The following SLC9A3 variants were observed in gnomAD, a reference collection of about 807,000 sequenced individuals.
SLC9A3 encodes sodium/hydrogen exchanger 3.
SLC9A3 carries 37 observed loss-of-function variants against 86.8 expected under a neutral mutation model. The ratio of observed to expected loss-of-function variants is 0.43; its 90% CI spans 0.33 to 0.56. The LOEUF is 0.56. Among genes scored for constraint, SLC9A3 ranks in the 20% least tolerant of loss-of-function variants. The pLI is 0.06. For synonymous variants in SLC9A3, 581 were observed against 528.3 expected (o/e 1.10, Z -1.37); for missense variants, 1,011 against 1,171.9 (o/e 0.86, Z 2.00).
In SLC9A3 at chr5:497,484, C is replaced by T. The variant is rs1039574850; in HGVS notation, c.212-5413G>A. On this transcript the variant is annotated intron_variant, in intron 1 of 16. Coordinates refer to ENST00000264938, the MANE Select transcript of SLC9A3 (RefSeq NM_004174.4). The surrounding 1 kb of genome is among the most constrained non-coding windows in gnomAD (Gnocchi z 5.4). The stretch of plus-strand genomic sequence containing the variant: ...GGACTGCTGTGAAGGACACAGTCAG[C>T]CGGACTTTGCTTAGTTCACCTGTCG... Among the ~76,000 whole-genome samples the T allele has an allele frequency of 2.6e-5, 4 of 152,176 alleles. No homozygotes were observed. The highest frequency in any genetic ancestry group is 2.0e-4 in the Admixed American group (3 of 15,284).
intron 1 of SLC9A3, among the ~76,000 whole-genome samples, chr5:522,481 C>T (rs568256683): frequency 1.1e-4 from 17 of 152,290 alleles, no homozygotes; most frequent in South Asian, 8.3e-4. Flanking sequence ...TATTCACGGC[C>T]GGGCGCGGTG....
intron 1 of SLC9A3, among the ~76,000 whole-genome samples, chr5:523,382 C>T (rs1733941892): frequency 6.6e-6 from 1 of 152,066 alleles, no homozygotes; most frequent in Non-Finnish European, 1.5e-5. Flanking sequence ...CTTCTCCTGG[C>T]CCCACTCGGG....
intron 1 of SLC9A3, among the ~76,000 whole-genome samples, chr5:517,812 A>ACCAT (rs72445363): frequency 0.16 from 23,821 of 144,656 alleles, 2,504 homozygotes; most frequent in Non-Finnish European, 0.23. Context: ...ATCCATCCAA[A>ACCAT]CCATCCATCC....
Position 474,969 on chromosome 5 carries a change from G to A in SLC9A3, c.2415C>T (p.Arg805=), listed in dbSNP as rs149421008. 6.2e-7 allele frequency: 1 copy of A among 1,610,926 alleles called. No homozygotes were observed. The highest frequency in any genetic ancestry group is 8.5e-7 in the Non-Finnish European group (1 of 1,179,170). ...AGGAGTCCACGGACTTGCTGCTGAG[G>A]CGGAAGGGCATCAGGCGGCAGAAGG... ...PGTFCRLMPF[R]LSSKSVDSFL... is the part of the protein sequence containing the mutation. The change falls in exon 16 of 17, where the codon CGC becomes CGT. Residue 805 remains arginine, a synonymous_variant. Coordinates refer to ENST00000264938, the MANE Select transcript of SLC9A3 (RefSeq NM_004174.4).
intron 1 of SLC9A3, among the ~76,000 whole-genome samples, chr5:506,529 C>T (rs912172230): frequency 6.6e-6 from 1 of 152,220 alleles, no homozygotes; most frequent in Non-Finnish European, 1.5e-5. Context: ...AGAGCTGGGA[C>T]AGCAGCAAAC....
rs1740017851 is a variant in SLC9A3, at chr5:496,325, GGGA to G, written c.212-4257_212-4255del. Among the ~76,000 whole-genome samples the G allele has an allele frequency of 6.9e-6, 1 of 145,960 alleles. No homozygotes were observed. The highest frequency in any genetic ancestry group is 1.5e-5 in the Non-Finnish European group (1 of 65,250). On this transcript the variant is annotated intron_variant, in intron 1 of 16. Transcript: ENST00000264938. This position sits in a 1 kb window ranked among gnomAD's most constrained non-coding sequence, Gnocchi z 4.7. ...GACATGCCGTCCCACCTGCCCACGGGGGAGGAGCCGCACCCATCCCCACCGGCC... is the reference window on the plus strand; with the variant it reads ...GACATGCCGTCCCACCTGCCCACGGGGGAGCCGCACCCATCCCCACCGGCC...
At chr5:495,955 G>A (rs1579800431) in intron 1 of SLC9A3, among the ~76,000 whole-genome samples, 2 of 151,710 alleles carry the variant, frequency 1.3e-5, no homozygotes, top group South Asian at 2.1e-4. Flanking sequence ...CGCCATCGCC[G>A]ACCCTCCCCA....
At chr5:515,033 C>G (rs1279617342) in intron 1 of SLC9A3, among the ~76,000 whole-genome samples, 1 of 152,166 alleles carries the variant, frequency 6.6e-6, no homozygotes, top group Admixed American at 6.5e-5. Context: ...AGGCCGCCCT[C>G]CAGGGACCAG....
chr5:473,508 G>C, intron 16 of SLC9A3, 126 bp from the exon 17 acceptor site: 1 of 800,680 alleles, frequency 1.2e-6, no homozygotes, highest in Non-Finnish European at 1.7e-6. Context: ...CGCACCCCAG[G>C]CTCGGCGTCC....
Position 483,333 on chromosome 5 carries a change from G to T in SLC9A3, c.1082C>A (p.Pro361Gln), listed in dbSNP as rs866342855. ...FMFLGISAVN[P>Q]FIWTWNTAFV... ...GGCCGTGTTCCAGGTCCAGATGAAC[G>T]GGTTCACGGCCGAGATACCCAGGAA... The change falls in exon 6 of 17, where the codon CCG becomes CAG. Residue 361 changes from proline to glutamine, a missense_variant. By Grantham distance (76) the Pro-to-Gln change is moderately conservative. Around this residue, in one of 3 missense-constraint regions of SLC9A3, gnomAD observed 565 missense variants for 790.0 expected, o/e 0.72. Coordinates refer to ENST00000264938, the MANE Select transcript of SLC9A3 (RefSeq NM_004174.4). The T allele has an allele frequency of 1.3e-6, 2 of 1,566,422 alleles. No homozygotes were observed. Among genetic ancestry groups the T allele is most frequent in the Non-Finnish European group, 8.6e-7 (1 of 1,156,202 alleles).
chr5:517,828 T>A (rs962490432), intron 1 of SLC9A3, among the ~76,000 whole-genome samples: 2 of 84,628 alleles, frequency 2.4e-5, no homozygotes, highest in African/African-American at 5.1e-5. Context: ...CATCCATCCA[T>A]CCATCCATCC....
chr5:493,770 G>A (rs1739900479), intron 1 of SLC9A3, among the ~76,000 whole-genome samples: 1 of 33,568 alleles, frequency 3.0e-5, no homozygotes, highest in Non-Finnish European at 8.9e-5. Context: ...AGGTCCTGCT[G>A]TGGGCCCCGT....
At position 496,431 on chromosome 5, in the gene SLC9A3, C is replaced by G. The variant is rs1187312025; in HGVS notation, c.212-4360G>C. On this transcript the variant is annotated intron_variant, in intron 1 of 16. Coordinates refer to ENST00000264938, the MANE Select transcript of SLC9A3 (RefSeq NM_004174.4). The surrounding 1 kb of genome is among the most constrained non-coding windows in gnomAD (Gnocchi z 4.7). ...ACCTGTGGGTGACGCGTGAACGACC[C>G]CGTTCTGTGAAAGTGTCGGCTTGCT... Among the ~76,000 whole-genome samples the G allele has an allele frequency of 6.6e-6, 1 of 152,232 alleles. No homozygotes were observed. The highest frequency in any genetic ancestry group is 2.4e-5 in the African/African-American group (1 of 41,460).
chr5:477,111 C>T (rs985736724), intron 11 of SLC9A3: 11 of 524,624 alleles, frequency 2.1e-5, no homozygotes, highest in African/African-American at 9.5e-5. Flanking sequence ...GCCCCCAGTC[C>T]GCTGCTGCCC....
At position 476,385 on chromosome 5, in the gene SLC9A3, G is replaced by T; in HGVS notation, c.1891-7C>A. Reference sequence around the variant, plus strand: ...GGCTGTACAGATGCTTGTACTGCGGGATCAGGCACGGAGGTCACAGCTGTG... The same window carrying T: ...GGCTGTACAGATGCTTGTACTGCGGTATCAGGCACGGAGGTCACAGCTGTG... On this transcript the variant is annotated splice_region_variant and splice_polypyrimidine_tract_variant and intron_variant, in intron 12 of 16. Transcript: ENST00000264938. The T allele has an allele frequency of 6.2e-7, 1 of 1,613,460 alleles. No homozygotes were observed. The highest frequency in any genetic ancestry group is 1.1e-5 in the South Asian group (1 of 91,082).
Position 476,370 on chromosome 5 carries a change from A to G in SLC9A3, c.1899T>C (p.His633=). The G allele has an allele frequency of 1.9e-6, 3 of 1,613,672 alleles. No individual in the cohort carries two copies. Among genetic ancestry groups the G allele is most frequent in the Non-Finnish European group, 1.7e-6 (2 of 1,179,990 alleles). ...GCGTGAGCTCGTGTCGGCTGTACAG[A>G]TGCTTGTACTGCGGGATCAGGCACG... The part of the protein sequence containing the change: ...YLYKPRQEYK[H]LYSRHELTPT... Residue 633 remains histidine, a synonymous_variant, in exon 13 of 17, where the codon CAT becomes CAC. Coordinates refer to ENST00000264938, the MANE Select transcript of SLC9A3 (RefSeq NM_004174.4).
At position 481,594 on chromosome 5, in the gene SLC9A3, T is replaced by C; in HGVS notation, c.1488A>G (p.Gly496=). The change falls in exon 9 of 17, where the codon GGA becomes GGG. Residue 496 remains glycine (G), a synonymous_variant. Transcript: ENST00000264938. ...CTCTGAGATAATTGTGCCCGATCTG[T>C]CCGGATATGTCCTCGATGGCCGAGA... ...HILSAIEDIS[G]QIGHNYLRDK... 6 of 1,614,040 alleles carry C rather than the reference T, an allele frequency of 3.7e-6. No homozygotes were observed. Among genetic ancestry groups the C allele is most frequent in the Non-Finnish European group, 4.2e-6 (5 of 1,179,942 alleles).
At chr5:523,226 A>G (rs1016094670) in intron 1 of SLC9A3, among the ~76,000 whole-genome samples, 9 of 152,170 alleles carry the variant, frequency 5.9e-5, no homozygotes, top group African/African-American at 2.2e-4. Flanking sequence ...CACCAAGGCC[A>G]AGGTCCTCTC....
chr5:473,175 G>GGCGCAGGCCCCGCCCCCC lies in SLC9A3; in HGVS notation c.*203_*204insGGGGGGCGGGGCCTGCGC. 2.1e-6 allele frequency: 1 copy of GGCGCAGGCCCCGCCCCCC among 475,204 alleles called. No homozygotes were observed. The highest frequency in any genetic ancestry group is 3.2e-6 in the Non-Finnish European group (1 of 310,230). The allele number at this position is 475,204 out of a possible 1,614,324, so 29.4% of individuals were successfully genotyped here. ...CGCCCCCGGCGCAGGCCCCGCCCCC[G>GGCGCAGGCCCCGCCCCCC]GCTCGCCCTCGGGCGGCTCTGCGGG... On this transcript the variant is annotated 3_prime_UTR_variant, in exon 17 of 17. Coordinates refer to ENST00000264938, the MANE Select transcript of SLC9A3 (RefSeq NM_004174.4).
Sources: allele counts gnomAD v4.1 joint callset (sites outside exome capture counted in the v4.1 genomes callset), GRCh38; gene constraint gnomAD v4.1.1; regional missense constraint gnomAD v4.1.1; non-coding constraint Gnocchi (gnomAD v3.1); transcripts MANE v1.5; gene names NCBI Gene and HGNC (gene_info 2026-07-23, HGNC 2026-07-21).